Variants in ARHGEF7 observed in about 807,000 individuals in gnomAD.
ARHGEF7 encodes the protein PAK-interacting exchange factor beta.
A neutral mutation model predicts 109.8 loss-of-function variants in ARHGEF7; 33 were observed. That is an observed-to-expected ratio of 0.30 (90% CI 0.23 to 0.40). The LOEUF is 0.40. ARHGEF7 is among the 10% of genes least tolerant of loss of function. ARHGEF7 has a pLI of 1.00. For synonymous variants in ARHGEF7, 458 were observed against 424.6 expected (o/e 1.08, Z -0.97); for missense variants, 938 against 1,098.5 (o/e 0.85, Z 2.07).
At position 111,115,467 on chromosome 13, in the gene ARHGEF7, G is replaced by T. The variant is rs1252675507; in HGVS notation, c.-60G>T. The T allele has an allele frequency of 2.0e-6, 2 of 1,010,158 alleles. No individual in the cohort carries two copies. The highest frequency in any genetic ancestry group is 2.4e-6 in the Non-Finnish European group (2 of 847,632). 62.6% of individuals were successfully genotyped at this position (1,010,158 alleles called of 1,614,324 possible). ...GCGGCGGCGGCGGGGGCCGCGGGCC[G>T]GGCCGCCGCTCCGAGGTGAAGGCGC... On this transcript the variant is annotated 5_prime_UTR_variant, in exon 1 of 22. Coordinates refer to ENST00000646102, the MANE Select transcript of ARHGEF7 (RefSeq NM_001354046.2).
intron 3 of ARHGEF7, chr13:111,209,212 G>T (rs1260601926): frequency 6.6e-6 from 1 of 151,990 alleles, no homozygotes; most frequent in Admixed American, 6.6e-5. Flanking sequence ...TTTTAATTGA[G>T]TCACTTTTAA....
At position 111,273,090 on chromosome 13, in the gene ARHGEF7, C is replaced by T. The variant is rs1352830207; in HGVS notation, c.1074-724C>T. Reference sequence around the variant, plus strand: ...TTTGGGATATGCACTGTTTCTATGTCCATACACAGGGACACCTTCCTTCCT... The same window carrying T: ...TTTGGGATATGCACTGTTTCTATGTTCATACACAGGGACACCTTCCTTCCT... On this transcript the variant is annotated intron_variant, in intron 9 of 21. Coordinates refer to ENST00000646102, the MANE Select transcript of ARHGEF7 (RefSeq NM_001354046.2). The surrounding 1 kb of genome is among the most constrained non-coding windows in gnomAD (Gnocchi z 4.5). 6.6e-6 allele frequency among the ~76,000 whole-genome samples: 1 copy of T among 152,200 alleles called. No individual in the cohort carries two copies. Among genetic ancestry groups the T allele is most frequent in the East Asian group, 1.9e-4 (1 of 5,200 alleles).
chr13:111,207,372 T>C (rs2082017164), intron 3 of ARHGEF7, among the ~76,000 whole-genome samples: 1 of 152,214 alleles, frequency 6.6e-6, no homozygotes, highest in South Asian at 2.1e-4. Context: ...TTCGCTGTGC[T>C]GCCCAGGCTT....
chr13:111,304,378 C>G lies in ARHGEF7; in HGVS notation c.*1265C>G, dbSNP rs1215475252. 6.6e-6 allele frequency: 1 copy of G among 152,214 alleles called. No individual in the cohort carries two copies. Among genetic ancestry groups the G allele is most frequent in the Non-Finnish European group, 1.5e-5 (1 of 68,038 alleles). The allele number at this position is 152,214 out of a possible 1,614,324, so 9.4% of individuals were successfully genotyped here. A position where few individuals can be genotyped will look rare whatever the true frequency, so the allele number is the denominator to read the frequency against. ...TGCTTCAGCAATAAATAAGGGTGAC[C>G]ACAGGGACTTTGCTTTTGGTTTCCT... On this transcript the variant is annotated 3_prime_UTR_variant, in exon 22 of 22. Coordinates refer to ENST00000646102, the MANE Select transcript of ARHGEF7 (RefSeq NM_001354046.2).
chr13:111,248,394 G>A (rs1021118512), intron 8 of ARHGEF7, among the ~76,000 whole-genome samples: 2 of 152,016 alleles, frequency 1.3e-5, no homozygotes, highest in Non-Finnish European at 2.9e-5. Flanking sequence ...CTGACTTCTC[G>A]AACTTGAAAA....
In ARHGEF7 at chr13:111,266,966, C is replaced by T; in HGVS notation, c.951-582C>T. On this transcript the variant is annotated intron_variant, in intron 8 of 21. Transcript: ENST00000646102. This position sits in a 1 kb window ranked among gnomAD's most constrained non-coding sequence, Gnocchi z 4.8. ...CCCTGATGCCCACAGCTTGTGCCGA[C>T]TTGTCACCCCTCATGCAGCTTCCAG... is the stretch of plus-strand genomic sequence containing the variant. The T allele has an allele frequency of 2.2e-6, 1 of 452,622 alleles. No individual in the cohort carries two copies. Among genetic ancestry groups the T allele is most frequent in the South Asian group, 1.6e-5 (1 of 64,478 alleles). 28.0% of individuals were successfully genotyped at this position (452,622 alleles called of 1,614,324 possible).
At chr13:111,121,705 C>T (rs138644550) in intron 1 of ARHGEF7, among the ~76,000 whole-genome samples, 25 of 152,340 alleles carry the variant, frequency 1.6e-4, no homozygotes, top group Non-Finnish European at 3.1e-4. Flanking sequence ...CCCGAACCCA[C>T]GGGTCCCTGC....
intron 8 of ARHGEF7, among the ~76,000 whole-genome samples, chr13:111,263,534 C>G (rs1242462518): frequency 6.6e-6 from 1 of 152,244 alleles, no homozygotes; most frequent in Non-Finnish European, 1.5e-5. Context: ...TGGCCCAGCA[C>G]TGAGCAGTAT....
At chr13:111,126,485 A>G (rs1248226031) in intron 1 of ARHGEF7, among the ~76,000 whole-genome samples, 1 of 149,860 alleles carries the variant, frequency 6.7e-6, no homozygotes, top group Non-Finnish European at 1.5e-5. Flanking sequence ...GCGAGACTCC[A>G]TCTCAAAAAA....
chr13:111,213,919 C>G (rs1258341209), intron 4 of ARHGEF7, among the ~76,000 whole-genome samples: 2 of 152,156 alleles, frequency 1.3e-5, no homozygotes, highest in Non-Finnish European at 2.9e-5. Flanking sequence ...ATGCATCTTG[C>G]GCTCTGATGG....
chr13:111,288,465 G>A, intron 18 of ARHGEF7, 22 bp downstream of exon 18: 1 of 1,577,828 alleles, frequency 6.3e-7, no homozygotes, highest in Non-Finnish European at 8.7e-7. Context: ...AATAAGGCCT[G>A]GGAAGTGTGG....
chr13:111,294,893 G>A (rs1458304565), intron 19 of ARHGEF7: 2 of 985,704 alleles, frequency 2.0e-6, no homozygotes, highest in Non-Finnish European at 2.4e-6. Flanking sequence ...CTTGCCACAA[G>A]TATATAATAA....
intron 1 of ARHGEF7, among the ~76,000 whole-genome samples, chr13:111,124,704 C>T (rs116052750): frequency 6.6e-5 from 10 of 152,320 alleles, no homozygotes; most frequent in African/African-American, 1.9e-4. Flanking sequence ...ACCCATCCTC[C>T]GTCTGCTCCC....
chr13:111,223,682 C>T (rs1359761468), intron 5 of ARHGEF7, among the ~76,000 whole-genome samples: 1 of 152,150 alleles, frequency 6.6e-6, no homozygotes, highest in Non-Finnish European at 1.5e-5. Context: ...TCTTTGAAGA[C>T]AGATAAAATG....
In ARHGEF7 at chr13:111,131,964, G is replaced by C. The variant is rs2074777186; in HGVS notation, c.165+16273G>C. 6.6e-6 allele frequency among the ~76,000 whole-genome samples: 1 copy of C among 152,196 alleles called. No homozygotes were observed. Among genetic ancestry groups the C allele is most frequent in the Non-Finnish European group, 1.5e-5 (1 of 68,030 alleles). ...TGAGAGAGGGGTGGACTCAGTGAGG[G>C]GGTGGACCGTGAGCCCTGTGGAAAC... is the stretch of plus-strand genomic sequence containing the variant. On this transcript the variant is annotated intron_variant, in intron 1 of 21. Transcript: ENST00000646102. This position sits in a 1 kb window ranked among gnomAD's most constrained non-coding sequence, Gnocchi z 4.4.
At chr13:111,116,149 G>C (rs1374592566) in intron 1 of ARHGEF7, among the ~76,000 whole-genome samples, 6 of 119,104 alleles carry the variant, frequency 5.0e-5, no homozygotes, top group Non-Finnish European at 1.2e-4. Context: ...TAATTGACCG[G>C]TTGCTCTGTA....
intron 3 of ARHGEF7, among the ~76,000 whole-genome samples, chr13:111,207,579 T>C (rs1051334121): frequency 2.0e-5 from 3 of 152,192 alleles, no homozygotes; most frequent in Admixed American, 1.3e-4. Flanking sequence ...ATTGAATACT[T>C]TTTTAGAGGT....
chr13:111,264,836 C>CTA (rs2091450991), intron 8 of ARHGEF7, among the ~76,000 whole-genome samples: 1 of 152,190 alleles, frequency 6.6e-6, no homozygotes, highest in South Asian at 2.1e-4. Flanking sequence ...TTTTACATTT[C>CTA]TATTGTCTGT....
At chr13:111,259,134 A>T (rs1028188812) in intron 8 of ARHGEF7, among the ~76,000 whole-genome samples, 22 of 152,142 alleles carry the variant, frequency 1.4e-4, no homozygotes, top group African/African-American at 4.8e-4. Context: ...GCATCTCTAG[A>T]CCTGCCCGGA....
Sources: gnomAD v4.1 joint callset for allele counts (sites outside exome capture counted in the v4.1 genomes callset) on GRCh38, gnomAD v4.1.1 for gene constraint, Gnocchi (gnomAD v3.1) non-coding constraint, MANE v1.5 for transcripts, NCBI Gene and HGNC (gene_info 2026-07-23, HGNC 2026-07-21) for gene names.